SLC7A10: variants seen among roughly 807,000 people sequenced by gnomAD.
SLC7A10 encodes the protein asc-type amino acid transporter 1.
In SLC7A10, 30 loss-of-function variants were observed where a neutral mutation model predicts 52.7. The ratio of observed to expected loss-of-function variants is 0.57; its 90% CI spans 0.43 to 0.77. SLC7A10 has a LOEUF of 0.77. SLC7A10 is among the 30% of genes least tolerant of loss of function. The probability of loss-of-function intolerance (pLI) is 0.00; values close to 1 mark genes in which losing one functional copy is unlikely to be tolerated. For missense variants in SLC7A10, 581 were observed against 698.5 expected (o/e 0.83, Z 1.90); for synonymous variants, 318 against 314.9 (o/e 1.01, Z -0.10).
intron 1 of SLC7A10, among the ~76,000 whole-genome samples, chr19:33,217,477 G>A (rs973591352): frequency 3.3e-5 from 5 of 150,984 alleles, no homozygotes; most frequent in Non-Finnish European, 5.9e-5. Flanking sequence ...ACATGAATCC[G>A]GTAACTTCAC....
At chr19:33,213,143 G>A in intron 2 of SLC7A10, 141 bp from the exon 3 acceptor site, 1 of 1,119,754 alleles carries the variant, frequency 8.9e-7, no homozygotes, top group Non-Finnish European at 1.3e-6. Flanking sequence ...CCGGTCCAGG[G>A]AGGCAGGGTT....
In SLC7A10 at chr19:33,213,370, C is replaced by T. The variant is rs992261034; in HGVS notation, c.357-368G>A. On this transcript the variant is annotated intron_variant, in intron 2 of 10. Coordinates refer to ENST00000253188, the MANE Select transcript of SLC7A10 (RefSeq NM_019849.3). ...GTGGCATGATCTCGGCTCACTGCAA[C>T]CTCCACCTCTCGGGTTCATGCCATT... 8.6e-5 allele frequency among the ~76,000 whole-genome samples: 13 copies of T among 151,800 alleles called. No individual in the cohort carries two copies. In the South Asian group the frequency reaches 1.0e-3, roughly 12 times the overall value.
Position 33,208,812 on chromosome 19 carries a change from A to C in SLC7A10, c.*79T>G, listed in dbSNP as rs532422336. On this transcript the variant is annotated 3_prime_UTR_variant, in exon 11 of 11. Transcript: ENST00000253188. This position sits in a 1 kb window ranked among gnomAD's most constrained non-coding sequence, Gnocchi z 4.7. ...TTCTTTTTTTTCCAGAAAAAAACAAAACAAAACTTTTTTGCCAAAACACCT... is the reference window on the plus strand; with the variant it reads ...TTCTTTTTTTTCCAGAAAAAAACAACACAAAACTTTTTTGCCAAAACACCT... 2.5e-4 allele frequency: 395 copies of C among 1,599,064 alleles called. 1 individual carries two copies. The highest frequency in any genetic ancestry group is 2.0e-3 in the South Asian group (181 of 89,134).
At chr19:33,217,161 G>T (rs1191381042) in intron 1 of SLC7A10, among the ~76,000 whole-genome samples, 1 of 151,702 alleles carries the variant, frequency 6.6e-6, no homozygotes, top group East Asian at 1.9e-4. Flanking sequence ...ACAGGTGAGT[G>T]CCACCACACC....
rs761043020 is a variant in SLC7A10, at chr19:33,210,578, C to T, written c.1152G>A (p.Thr384=). 1.8e-5 allele frequency: 29 copies of T among 1,612,100 alleles called. No individual in the cohort carries two copies. The highest frequency in any genetic ancestry group is 1.7e-4 in the Admixed American group (10 of 60,028). The change falls in exon 9 of 11, where the codon ACG becomes ACA. Residue 384 remains threonine, a synonymous_variant. Coordinates refer to ENST00000253188, the MANE Select transcript of SLC7A10 (RefSeq NM_019849.3). This position sits in a 1 kb window ranked among gnomAD's most constrained non-coding sequence, Gnocchi z 5.6. ...ATAVIMLVGD[T]YTLINYVSFI... ...AGGACACATAGTTGATGAGCGTGTA[C>T]GTGTCGCCCACGAGCATGATGACGG...
intron 1 of SLC7A10, among the ~76,000 whole-genome samples, chr19:33,218,690 T>TCTTTCTTTCTTTCTTTCTTTCTTTCTTTC (rs199544613): frequency 1.0e-4 from 9 of 90,422 alleles, no homozygotes; most frequent in South Asian, 3.9e-4. Context: ...TCTTTTTTTT[T>TCTTTCTTTCTTTCTTTCTTTCTTTCTTTC]TTTTTTTAGT....
rs915418326 is a variant in SLC7A10 at position 33,211,025 on chromosome 19, C to T, written c.1017-127G>A. On this transcript the variant is annotated intron_variant, in intron 7 of 10. Coordinates refer to ENST00000253188, the MANE Select transcript of SLC7A10 (RefSeq NM_019849.3). Reference sequence around the variant, plus strand: ...CAGCAGCCCCACTGGACAGTTCTCCCCCTCATCCAGCCTGCCTGCCTCTTG... The same window carrying T: ...CAGCAGCCCCACTGGACAGTTCTCCTCCTCATCCAGCCTGCCTGCCTCTTG... 7 of 1,024,112 alleles carry T rather than the reference C, an allele frequency of 6.8e-6. No individual in the cohort carries two copies. The African/African-American group carries it at 9.5e-5, about 14-fold the overall frequency. The allele number at this position is 1,024,112 out of a possible 1,614,324, so 63.4% of individuals were successfully genotyped here.
In SLC7A10 at chr19:33,211,090, G is replaced by A. The variant is rs145555436; in HGVS notation, c.1016+135C>T. The A allele has an allele frequency of 2.4e-5, 24 of 994,854 alleles. 1 individual carries two copies. Among genetic ancestry groups the A allele is most frequent in the Middle Eastern group, 2.0e-4 (1 of 4,910 alleles). 61.6% of individuals were successfully genotyped at this position (994,854 alleles called of 1,614,324 possible). ...CAGTTGTGATCAGACACTTGTTACC[G>A]TGTGGGATCATCATCCCAGCTTCAG... On this transcript the variant is annotated intron_variant, in intron 7 of 10. Coordinates refer to ENST00000253188, the MANE Select transcript of SLC7A10 (RefSeq NM_019849.3).
chr19:33,218,964 G>T (rs905584107), intron 1 of SLC7A10, among the ~76,000 whole-genome samples: 2 of 151,956 alleles, frequency 1.3e-5, no homozygotes, highest in Non-Finnish European at 2.9e-5. Context: ...GCCGTTGGGG[G>T]AACCTGGTTT....
Position 33,210,852 on chromosome 19 carries a change from C to T in SLC7A10, c.1063G>A (p.Ala355Thr), listed in dbSNP as rs1447228762. The change falls in exon 8 of 11, where the codon GCC becomes ACC. Residue 355 changes from alanine to threonine, a missense_variant. Coordinates refer to ENST00000253188, the MANE Select transcript of SLC7A10 (RefSeq NM_019849.3). This position sits in a 1 kb window ranked among gnomAD's most constrained non-coding sequence, Gnocchi z 5.6. Reference protein sequence around the residue: ...AREGHLPSLLAMIHVRHCTPI... With the variant: ...AREGHLPSLLTMIHVRHCTPI... ...GTGCAGTGTCTGACGTGGATCATGG[C>T]CAGCAGGCTGGGCAGGTGCCCCTCG... 1.2e-6 allele frequency: 2 copies of T among 1,613,518 alleles called. No individual in the cohort carries two copies. Among genetic ancestry groups the T allele is most frequent in the Non-Finnish European group, 1.7e-6 (2 of 1,180,026 alleles).
intron 2 of SLC7A10, among the ~76,000 whole-genome samples, 164 bp from the exon 3 acceptor site, chr19:33,213,166 G>T (rs954691556): frequency 2.6e-5 from 4 of 152,240 alleles, no homozygotes; most frequent in African/African-American, 9.6e-5. Context: ...CCTTGTTGAG[G>T]TCTTGCGGCT....
intron 1 of SLC7A10, among the ~76,000 whole-genome samples, chr19:33,219,172 G>C (rs1175792689): frequency 6.6e-6 from 1 of 152,238 alleles, no homozygotes; most frequent in Non-Finnish European, 1.5e-5. Context: ...GCTCCGGGCA[G>C]GTAGGCGAGG....
chr19:33,217,398 T>C (rs1974711658), intron 1 of SLC7A10, among the ~76,000 whole-genome samples: 1 of 152,140 alleles, frequency 6.6e-6, no homozygotes, highest in South Asian at 2.1e-4. Context: ...AGACTCTGAG[T>C]GCCTGCTGAG....
chr19:33,208,838 C>G lies in SLC7A10; in HGVS notation c.*53G>C, dbSNP rs940338072. The stretch of plus-strand genomic sequence containing the variant: ...ACAAAACTTTTTTGCCAAAACACCT[C>G]CTCAATAAACAACATGTAAACAGAA... On this transcript the variant is annotated 3_prime_UTR_variant, in exon 11 of 11. Transcript: ENST00000253188. This position sits in a 1 kb window ranked among gnomAD's most constrained non-coding sequence, Gnocchi z 4.7. 1 of 1,612,696 alleles carries G rather than the reference C, an allele frequency of 6.2e-7. No individual in the cohort carries two copies. The highest frequency in any genetic ancestry group is 8.5e-7 in the Non-Finnish European group (1 of 1,179,272).
rs116778069 is a variant in SLC7A10, at chr19:33,211,395, C to G, written c.912+19G>C. On this transcript the variant is annotated intron_variant, in intron 6 of 10. Transcript: ENST00000253188. The stretch of plus-strand genomic sequence containing the variant: ...AGGGGCCTGGGCAGGAGCCAGGGAC[C>G]GAGCAGGGGCCCACTCACCACAGCC... 1.6e-5 allele frequency: 26 copies of G among 1,613,514 alleles called. No homozygotes were observed. In the African/African-American group the frequency reaches 3.1e-4, roughly 19 times the overall value.
chr19:33,212,596 C>G lies in SLC7A10; in HGVS notation c.552G>C (p.Thr184=). The G allele has an allele frequency of 6.2e-7, 1 of 1,613,922 alleles. No individual in the cohort carries two copies. The highest frequency in any genetic ancestry group is 8.5e-7 in the Non-Finnish European group (1 of 1,180,042). ...CGCCTGTGAACATGTCCTGGATGCGCGTGGCCCAGCGCACACTGGAGCTGT... is the reference window on the plus strand; with the variant it reads ...CGCCTGTGAACATGTCCTGGATGCGGGTGGCCCAGCGCACACTGGAGCTGT... ...WVNSSSVRWA[T]RIQDMFTGGK... Residue 184 remains threonine, a synonymous_variant, in exon 4 of 11, where the codon ACG becomes ACC. Transcript: ENST00000253188.
chr19:33,209,765 G>A (rs1176922499), intron 9 of SLC7A10, among the ~76,000 whole-genome samples: 1 of 152,032 alleles, frequency 6.6e-6, no homozygotes, highest in African/African-American at 2.4e-5. Context: ...TTGGCTGGAG[G>A]TCAGTGATTT....
At chr19:33,223,309 GAAAAAAAAAA>G in intron 1 of SLC7A10, among the ~76,000 whole-genome samples, 1 of 117,296 alleles carries the variant, frequency 8.5e-6, no homozygotes, top group East Asian at 2.6e-4. Flanking sequence ...CTCTGTCTCA[GAAAAAAAAAA>G]AAAAAAAAAG....
rs770326395 is a variant in SLC7A10 at position 33,211,252 on chromosome 19, AT to A, written c.988del (p.Ile330SerfsTer27). ...VSVALSTFGG[I>X]NGYLFTYSRL... ...GGAGTAGGTGAACAGGTAACCATTGATCCCTCCGAAGGTTGACAGAGCCACG... is the reference window on the plus strand; with the variant it reads ...GGAGTAGGTGAACAGGTAACCATTGACCCTCCGAAGGTTGACAGAGCCACG... On this transcript the variant is annotated frameshift_variant, in exon 7 of 11. Transcript: ENST00000253188. LOFTEE classifies it high-confidence loss of function. 1 of 1,613,832 alleles carries A rather than the reference AT, an allele frequency of 6.2e-7. No individual in the cohort carries two copies. The highest frequency in any genetic ancestry group is 1.1e-5 in the South Asian group (1 of 91,074).
Sources: allele counts gnomAD v4.1 joint callset (sites outside exome capture counted in the v4.1 genomes callset), GRCh38; gene constraint gnomAD v4.1.1; non-coding constraint Gnocchi (gnomAD v3.1); transcripts MANE v1.5; gene names NCBI Gene and HGNC (gene_info 2026-07-23, HGNC 2026-07-21).